SDHAF4: variants seen among roughly 807,000 people sequenced by gnomAD.
SDHAF4 encodes succinate dehydrogenase complex assembly factor 4.
SDHAF4 carries 14 observed loss-of-function variants against 14.3 expected under a neutral mutation model. That is an observed-to-expected ratio of 0.98 (90% CI 0.65 to 1.53). The LOEUF (loss-of-function observed/expected upper bound fraction) is 1.53. Among genes scored for constraint, SDHAF4 ranks in the 40% most tolerant of loss-of-function variants. The pLI, the probability that SDHAF4 is intolerant of heterozygous loss-of-function variation, is 0.00. For synonymous variants in SDHAF4, 63 were observed against 47.3 expected, an observed-to-expected ratio of 1.33 and a Z score of -1.36; for missense variants, 141 against 129.3, an observed-to-expected ratio of 1.09 and a Z score of -0.44.
At chr6:70,568,025 T>C (rs913109608) in intron 1 of SDHAF4, among the ~76,000 whole-genome samples, 6 of 152,236 alleles carry the variant, frequency 3.9e-5, no homozygotes, top group Admixed American at 2.0e-4. Flanking sequence ...GGAGAAGTTA[T>C]GTAAGTTGAA....
chr6:70,581,808 C>A (rs1303717901), intron 2 of SDHAF4, among the ~76,000 whole-genome samples: 1 of 152,142 alleles, frequency 6.6e-6, no homozygotes, highest in Non-Finnish European at 1.5e-5. Flanking sequence ...TGAGGTCTTG[C>A]CATGTTACCC....
At chr6:70,583,021 GACATC>G (rs1765153185) in intron 2 of SDHAF4, among the ~76,000 whole-genome samples, 1 of 152,182 alleles carries the variant, frequency 6.6e-6, no homozygotes, top group African/African-American at 2.4e-5. Context: ...CGATGAACAG[GACATC>G]ATGTGGTAAC....
chr6:70,576,497 A>G (rs1322916854), intron 1 of SDHAF4, among the ~76,000 whole-genome samples: 5 of 152,308 alleles, frequency 3.3e-5, no homozygotes, highest in Middle Eastern at 3.4e-3. Context: ...ATTAACTTAT[A>G]CATCCCAGAG....
chr6:70,597,378 A>G, the SDHAF4 span, among the ~76,000 whole-genome samples: 9 of 143,626 alleles, frequency 6.3e-5, no homozygotes, highest in Non-Finnish European at 1.0e-4. Context: ...CAAATGTCTG[A>G]CCTCCAGTGA....
intron 1 of SDHAF4, among the ~76,000 whole-genome samples, chr6:70,573,498 A>G (rs1802212662): frequency 6.6e-6 from 1 of 151,262 alleles, no homozygotes; most frequent in Non-Finnish European, 1.5e-5. Context: ...CCCTGACCTC[A>G]GGTGATCCAC....
Position 70,579,580 on chromosome 6 carries a change from A to C in SDHAF4, c.217+14A>C. 6.4e-7 allele frequency: 1 copy of C among 1,561,224 alleles called. No homozygotes were observed. On this transcript the variant is annotated intron_variant, in intron 2 of 2. Coordinates refer to ENST00000370474, the MANE Select transcript of SDHAF4 (RefSeq NM_145267.3). ...AACCACTGGAAAGTAAGTATAATAA[A>C]GCACCTCTCAGTTTTTGAAGTATCA...
intron 1 of SDHAF4, among the ~76,000 whole-genome samples, chr6:70,575,332 C>G (rs534733268): frequency 6.6e-6 from 1 of 151,968 alleles, no homozygotes; most frequent in East Asian, 1.9e-4. Context: ...GAGCTGAGAT[C>G]GTGCCACTGC....
chr6:70,585,745 G>A (rs1233430057), intron 2 of SDHAF4, among the ~76,000 whole-genome samples: 3 of 152,188 alleles, frequency 2.0e-5, no homozygotes, highest in Admixed American at 2.0e-4. Context: ...GAGTATGGGG[G>A]AGAGTTTATT....
chr6:70,576,667 G>T (rs1802259304), intron 1 of SDHAF4, among the ~76,000 whole-genome samples: 1 of 152,086 alleles, frequency 6.6e-6, no homozygotes, highest in South Asian at 2.1e-4. Flanking sequence ...TATGTGTAAT[G>T]AAAAAACATT....
At chr6:70,593,513 G>T (rs974799118), downstream of SDHAF4, among the ~76,000 whole-genome samples, 4 of 152,176 alleles carry the variant, frequency 2.6e-5, no homozygotes, top group African/African-American at 9.7e-5. Flanking sequence ...TGCAACACCA[G>T]CCTGGAAAAG....
chr6:70,583,190 G>T (rs759194327), intron 2 of SDHAF4, among the ~76,000 whole-genome samples: 1 of 152,186 alleles, frequency 6.6e-6, no homozygotes. Context: ...TCAGCTCACC[G>T]CAACCTCCGC....
intron 1 of SDHAF4, among the ~76,000 whole-genome samples, chr6:70,568,962 CTTTT>C (rs5877254): frequency 2.1e-4 from 21 of 97,988 alleles, no homozygotes; most frequent in Admixed American, 1.1e-3. Flanking sequence ...TTTCTTTTTT[CTTTT>C]TTTTTTTTTT....
At chr6:70,595,794 C>T in the SDHAF4 span, among the ~76,000 whole-genome samples, 2 of 149,382 alleles carry the variant, frequency 1.3e-5, no homozygotes, top group African/African-American at 4.9e-5. Context: ...TGAGATCACG[C>T]CACTGCACTC....
At chr6:70,580,873 T>A (rs1802313082) in intron 2 of SDHAF4, among the ~76,000 whole-genome samples, 7 of 152,146 alleles carry the variant, frequency 4.6e-5, no homozygotes, top group Admixed American at 4.6e-4. Flanking sequence ...GTGGGGATGA[T>A]GAAAATGTTT....
the SDHAF4 span, among the ~76,000 whole-genome samples, chr6:70,594,690 A>G: frequency 1.3e-5 from 2 of 152,214 alleles, no homozygotes; most frequent in African/African-American, 2.4e-5. Flanking sequence ...AGGCGGGTAT[A>G]TCACCTGAGG....
At chr6:70,572,978 TTTTTC>T (rs1277057428) in intron 1 of SDHAF4, among the ~76,000 whole-genome samples, 1 of 152,126 alleles carries the variant, frequency 6.6e-6, no homozygotes, top group African/African-American at 2.4e-5. Flanking sequence ...TGGGAACACT[TTTTTC>T]TTTTTTCTGA....
Position 70,579,502 on chromosome 6 carries a change from G to A in SDHAF4, c.153G>A (p.Pro51=), listed in dbSNP as rs368703965. 5.0e-5 allele frequency: 81 copies of A among 1,611,472 alleles called. 1 individual carries two copies. The Admixed American group carries it at 7.9e-4, about 16-fold the overall frequency. Residue 51 remains proline, a synonymous_variant, in exon 2 of 3, where the codon CCG becomes CCA. Transcript: ENST00000370474. Reference sequence around the variant, plus strand: ...TTGTCAAACAGTCCCTTAAGAAGCCGAAGTTACCAGAAGGTCGTTTTGATG... The same window carrying A: ...TTGTCAAACAGTCCCTTAAGAAGCCAAAGTTACCAGAAGGTCGTTTTGATG... ...SELVKQSLKK[P]KLPEGRFDAP... is the part of the protein sequence containing the mutation.
At chr6:70,586,563 G>A (rs933459393) in intron 2 of SDHAF4, among the ~76,000 whole-genome samples, 1 of 150,544 alleles carries the variant, frequency 6.6e-6, no homozygotes, top group Non-Finnish European at 1.5e-5. Flanking sequence ...CAGAGTAATA[G>A]TGGAATAAAT....
At chr6:70,571,409 G>C (rs1356887538) in intron 1 of SDHAF4, among the ~76,000 whole-genome samples, 1 of 152,086 alleles carries the variant, frequency 6.6e-6, no homozygotes, top group Non-Finnish European at 1.5e-5. Context: ...CTGCCTCCCG[G>C]GTTCAAGTTA....
Sources: allele counts gnomAD v4.1 joint callset (sites outside exome capture counted in the v4.1 genomes callset), GRCh38; gene constraint gnomAD v4.1.1; transcripts MANE v1.5; gene names NCBI Gene and HGNC (gene_info 2026-07-23, HGNC 2026-07-21).